WDR70: variants seen among roughly 807,000 people sequenced by gnomAD.
The protein encoded by WDR70 is WD repeat domain 70.
A neutral mutation model predicts 88.6 loss-of-function variants in WDR70; 53 were observed. The ratio of observed to expected loss-of-function variants is 0.60; its 90% CI spans 0.48 to 0.75. The LOEUF (loss-of-function observed/expected upper bound fraction) is 0.75. Among genes scored for constraint, WDR70 ranks in the 30% least tolerant of loss-of-function variants. The pLI, the probability that WDR70 is intolerant of heterozygous loss-of-function variation, is 0.00. For synonymous variants in WDR70, 280 were observed against 270.0 expected (o/e 1.04, Z -0.36); for missense variants, 610 against 823.2 (o/e 0.74, Z 3.17).
intron 10 of WDR70, among the ~76,000 whole-genome samples, chr5:37,670,995 G>A (rs929213295): frequency 1.3e-5 from 2 of 152,180 alleles, no homozygotes; most frequent in Non-Finnish European, 2.9e-5. Flanking sequence ...AGAAACAGGA[G>A]AAAGTTATAT....
rs1317816541 is a variant in WDR70 at position 37,521,408 on chromosome 5, G to A, written c.917+4818G>A. ...TGATTACATGAATAAGTTCTGCAGT[G>A]ATGATTTCTAAGATTTTGGTGCACC... On this transcript the variant is annotated intron_variant, in intron 9 of 17. Transcript: ENST00000265107. 2.6e-5 allele frequency among the ~76,000 whole-genome samples: 4 copies of A among 152,310 alleles called. No individual in the cohort carries two copies. The East Asian group carries it at 7.7e-4, about 29-fold the overall frequency.
intron 13 of WDR70, 81 bp from the exon 14 acceptor site, chr5:37,721,034 G>A (rs1747795545): frequency 8.7e-7 from 1 of 1,148,122 alleles, no homozygotes; most frequent in African/African-American, 1.5e-5. Context: ...TGATATAGTA[G>A]ACTAGCCATC....
chr5:37,598,033 A>G (rs1415489350), intron 9 of WDR70, among the ~76,000 whole-genome samples: 1 of 151,888 alleles, frequency 6.6e-6, no homozygotes, highest in African/African-American at 2.4e-5. Context: ...TTTTTTTTGC[A>G]TAGGGATATC....
At chr5:37,609,885 A>G (rs1744137369) in intron 10 of WDR70, among the ~76,000 whole-genome samples, 1 of 152,244 alleles carries the variant, frequency 6.6e-6, no homozygotes, top group African/African-American at 2.4e-5. Context: ...AAGAAAAAAG[A>G]AATATCCAGC....
intron 8 of WDR70, among the ~76,000 whole-genome samples, chr5:37,487,535 T>C (rs928255970): frequency 4.7e-5 from 7 of 148,792 alleles, no homozygotes; most frequent in African/African-American, 1.7e-4. Flanking sequence ...TTATATTAAG[T>C]TGTTATATTA....
chr5:37,599,153 C>G (rs1743789563), intron 9 of WDR70, among the ~76,000 whole-genome samples: 1 of 152,170 alleles, frequency 6.6e-6, no homozygotes, highest in African/African-American at 2.4e-5. Context: ...ATGAATCTAA[C>G]AAGGAAGACC....
At chr5:37,509,476 T>G (rs1423604065) in intron 8 of WDR70, among the ~76,000 whole-genome samples, 1 of 151,952 alleles carries the variant, frequency 6.6e-6, no homozygotes, top group Admixed American at 6.6e-5. Context: ...TCCTCCCACC[T>G]CAGCCTCCCA....
At chr5:37,622,149 C>T (rs555923132) in intron 10 of WDR70, among the ~76,000 whole-genome samples, 3 of 152,104 alleles carry the variant, frequency 2.0e-5, no homozygotes, top group African/African-American at 4.8e-5. Flanking sequence ...AGCGGCTCAT[C>T]ATCACTGGCC....
At chr5:37,738,413 A>T (rs774791999) in intron 17 of WDR70, among the ~76,000 whole-genome samples, 1 of 152,216 alleles carries the variant, frequency 6.6e-6, no homozygotes, top group Non-Finnish European at 1.5e-5. Flanking sequence ...AGGAACATCC[A>T]TAATTAAAAA....
chr5:37,382,824 C>T (rs1197038321), intron 3 of WDR70, among the ~76,000 whole-genome samples: 2 of 152,010 alleles, frequency 1.3e-5, no homozygotes, highest in African/African-American at 4.8e-5. Context: ...ACCAGCCTGG[C>T]CAACATGGTG....
At chr5:37,621,555 G>A (rs1339265428) in intron 10 of WDR70, among the ~76,000 whole-genome samples, 3 of 152,038 alleles carry the variant, frequency 2.0e-5, no homozygotes, top group African/African-American at 2.4e-5. Context: ...CATATGCTTT[G>A]CCCACTTTTT....
intron 9 of WDR70, among the ~76,000 whole-genome samples, chr5:37,566,850 GATATGCTGT>G (rs1259916937): frequency 6.6e-6 from 1 of 152,218 alleles, no homozygotes; most frequent in Non-Finnish European, 1.5e-5. Flanking sequence ...TTAGTGAGGA[GATATGCTGT>G]ATAGTTCACC....
At chr5:37,660,417 T>A (rs781325572) in intron 10 of WDR70, among the ~76,000 whole-genome samples, 11 of 151,834 alleles carry the variant, frequency 7.2e-5, no homozygotes, top group Non-Finnish European at 1.3e-4. Flanking sequence ...TGAAATCTCA[T>A]CTATAGTTGT....
intron 9 of WDR70, among the ~76,000 whole-genome samples, chr5:37,557,963 T>TCTTCAAAAGAGTA (rs1742362412): frequency 6.3e-5 from 9 of 143,764 alleles, no homozygotes; most frequent in East Asian, 4.2e-4. Flanking sequence ...GAGTATTATG[T>TCTTCAAAAGAGTA]ATATTTATTA....
intron 10 of WDR70, among the ~76,000 whole-genome samples, chr5:37,691,196 G>A (rs1746784799): frequency 6.6e-6 from 1 of 152,176 alleles, no homozygotes; most frequent in African/African-American, 2.4e-5. Flanking sequence ...ACCCAATACA[G>A]GAGCACCCAG....
chr5:37,514,743 G>C (rs547701906), intron 8 of WDR70, among the ~76,000 whole-genome samples: 1 of 152,074 alleles, frequency 6.6e-6, no homozygotes, highest in South Asian at 2.1e-4. Context: ...AGAGGTGGGC[G>C]CAGTGGCTCA....
At chr5:37,570,580 A>G (rs1010729109) in intron 9 of WDR70, among the ~76,000 whole-genome samples, 3 of 152,150 alleles carry the variant, frequency 2.0e-5, no homozygotes, top group Admixed American at 6.5e-5. Context: ...TAAGAGACAA[A>G]GAAGAGTCCA....
chr5:37,441,120 G>T (rs1482456634), intron 6 of WDR70, among the ~76,000 whole-genome samples: 2 of 152,144 alleles, frequency 1.3e-5, no homozygotes, highest in Non-Finnish European at 2.9e-5. Context: ...CTTATTAGGA[G>T]GAGAAATAAC....
At chr5:37,661,485 T>A (rs1294589836) in intron 10 of WDR70, among the ~76,000 whole-genome samples, 2 of 152,222 alleles carry the variant, frequency 1.3e-5, no homozygotes, top group Non-Finnish European at 2.9e-5. Flanking sequence ...AGCCAATTTA[T>A]CAAGACAGAG....
Sources: allele counts gnomAD v4.1 joint callset (sites outside exome capture counted in the v4.1 genomes callset), GRCh38; gene constraint gnomAD v4.1.1; transcripts MANE v1.5; gene names NCBI Gene and HGNC (gene_info 2026-07-23, HGNC 2026-07-21).